The following AMPD3 variants were observed in gnomAD, a reference collection of about 807,000 sequenced individuals.
AMPD3 encodes the protein AMP deaminase 3.
AMPD3 carries 57 observed loss-of-function variants against 82.3 expected under a neutral mutation model. The ratio of observed to expected loss-of-function variants is 0.69; its 90% CI spans 0.56 to 0.86. The LOEUF is 0.86. Ranked by LOEUF, AMPD3 falls within the 40% of genes least tolerant of loss-of-function variation. The probability of loss-of-function intolerance (pLI) is 0.00; values close to 1 mark genes in which losing one functional copy is unlikely to be tolerated. For synonymous variants in AMPD3, 381 were observed against 394.7 expected (o/e 0.97, Z 0.41); for missense variants, 870 against 1,003.8 (o/e 0.87, Z 1.80).
chr11:10,490,388 G>A, intron 6 of AMPD3: 1 of 723,616 alleles, frequency 1.4e-6, no homozygotes, highest in East Asian at 1.3e-4. Flanking sequence ...GACCAATTAG[G>A]GGCCACCCCT....
Position 10,500,184 on chromosome 11 carries a change from C to G in AMPD3, c.1656C>G (p.Asn552Lys). The G allele has an allele frequency of 6.2e-7, 1 of 1,614,236 alleles. No individual in the cohort carries two copies. Among genetic ancestry groups the G allele is most frequent in the Non-Finnish European group, 8.5e-7 (1 of 1,180,042 alleles). ...PNPDVWTSEQ[N>K]PPYSYYLYYM... ...CGGACGTCTGGACCAGTGAGCAGAA[C>G]CCACCCTACAGCTACTACCTGTACT... The change falls in exon 11 of 15, where the codon AAC (asparagine) becomes AAG (lysine). Residue 552 changes from asparagine to lysine, a missense_variant. By Grantham distance (94) the Asn-to-Lys change is moderately conservative (BLOSUM62 0). Transcript: ENST00000396553.
At chr11:10,460,762 G>A (rs1848246152) in intron 1 of AMPD3, 1 of 402,078 alleles carries the variant, frequency 2.5e-6, no homozygotes, top group Non-Finnish European at 3.4e-6. Context: ...AAAGAAATAA[G>A]GAAATGAAGA....
At chr11:10,450,721 C>A (rs1053706467), upstream of AMPD3, 28 of 1,103,784 alleles carry the variant, frequency 2.5e-5, no homozygotes, top group Admixed American at 5.1e-5. Context: ...GGCCCGGGCG[C>A]TTCAGGTAGC....
intron 1 of AMPD3, among the ~76,000 whole-genome samples, chr11:10,459,753 C>A (rs1848203824): frequency 6.6e-6 from 1 of 151,914 alleles, no homozygotes; most frequent in Non-Finnish European, 1.5e-5. Context: ...CCTGCCCGGA[C>A]ACATACGTGG....
intron 1 of AMPD3, among the ~76,000 whole-genome samples, chr11:10,455,652 G>A (rs529680053): frequency 2.0e-5 from 3 of 152,294 alleles, no homozygotes; most frequent in Admixed American, 1.3e-4. Flanking sequence ...TCCTCTGTCC[G>A]CCTCTGTGCT....
Position 10,496,860 on chromosome 11 carries a change from G to T in AMPD3, c.1479G>T (p.Leu493=). 6.2e-7 allele frequency: 1 copy of T among 1,614,012 alleles called. No homozygotes were observed. The highest frequency in any genetic ancestry group is 1.1e-5 in the South Asian group (1 of 91,086). Residue 493 remains leucine, a synonymous_variant, in exon 10 of 15, where the codon CTG becomes CTT. Transcript: ENST00000396553. Reference sequence around the variant, plus strand: ...TGCTGCCAAACTTTGGGAAGATGCTGGAGAACATCTTCCTGCCCCTTTTCA... The same window carrying T: ...TGCTGCCAAACTTTGGGAAGATGCTTGAGAACATCTTCCTGCCCCTTTTCA... ...KKLLPNFGKM[L]ENIFLPLFKA...
chr11:10,495,362 A>G (rs762674293), intron 8 of AMPD3: 5 of 985,448 alleles, frequency 5.1e-6, no homozygotes, highest in Non-Finnish European at 6.0e-6. Context: ...CTGGTTCTGC[A>G]GACCCAAGGC....
At chr11:10,499,616 A>G in intron 10 of AMPD3, 2 of 980,872 alleles carry the variant, frequency 2.0e-6, no homozygotes, top group Non-Finnish European at 2.4e-6. Flanking sequence ...GGTTGCTCTG[A>G]ATATGAATTA....
At chr11:10,492,956 G>T (rs1849281480) in intron 6 of AMPD3, among the ~76,000 whole-genome samples, 1 of 152,188 alleles carries the variant, frequency 6.6e-6, no homozygotes, top group South Asian at 2.1e-4. Context: ...CCCGTAAGTG[G>T]TTTGTCACGG....
chr11:10,476,501 T>A (rs994433764), intron 2 of AMPD3, among the ~76,000 whole-genome samples: 2 of 152,018 alleles, frequency 1.3e-5, no homozygotes, highest in Non-Finnish European at 2.9e-5. Context: ...GGTTTTTTTT[T>A]AAACTTTCTT....
At chr11:10,499,471 C>T (rs949688125) in intron 10 of AMPD3, 16 of 165,792 alleles carry the variant, frequency 9.7e-5, no homozygotes, top group Middle Eastern at 3.1e-3. Context: ...CCGTCTCCTC[C>T]TCCCAAAGTG....
upstream of AMPD3, among the ~76,000 whole-genome samples, chr11:10,451,988 C>T (rs572496956): frequency 3.3e-5 from 5 of 152,248 alleles, no homozygotes; most frequent in South Asian, 1.0e-3. Flanking sequence ...CTGGCTGCAG[C>T]TTCATGGGGC....
chr11:10,475,176 T>G (rs1339342043), intron 2 of AMPD3, among the ~76,000 whole-genome samples: 1 of 151,992 alleles, frequency 6.6e-6, no homozygotes, highest in Non-Finnish European at 1.5e-5. Context: ...GCAGGCGTCT[T>G]ACATGGTGGG....
chr11:10,484,407 T>A, intron 4 of AMPD3: 1 of 985,372 alleles, frequency 1.0e-6, no homozygotes, highest in Non-Finnish European at 1.2e-6. Flanking sequence ...TGCAATCTGT[T>A]TTTTTCCTGG....
At position 10,496,828 on chromosome 11, in the gene AMPD3, A is replaced by G; in HGVS notation, c.1447A>G (p.Lys483Glu). 1 of 1,614,156 alleles carries G rather than the reference A, an allele frequency of 6.2e-7. No homozygotes were observed. Among genetic ancestry groups the G allele is most frequent in the South Asian group, 1.1e-5 (1 of 91,080 alleles). The change falls in exon 10 of 15, where the codon AAG (lysine) becomes GAG (glutamate). Residue 483 changes from lysine (K) to glutamate (E), a missense_variant. Coordinates refer to ENST00000396553, the MANE Select transcript of AMPD3 (RefSeq NM_001025389.2). The part of the protein sequence containing the change: ...VPRIYDIFRS[K>E]KLLPNFGKML... ...GTCCCCCAGTGACATATTTAGGTCA[A>G]AGAAGCTGCTGCCAAACTTTGGGAA...
Position 10,456,681 on chromosome 11 carries a change from CT to C in AMPD3, c.-6+1235del. On this transcript the variant is annotated intron_variant, in intron 1 of 14. Coordinates refer to ENST00000396553, the MANE Select transcript of AMPD3 (RefSeq NM_001025389.2). This position sits in a 1 kb window ranked among gnomAD's most constrained non-coding sequence, Gnocchi z 4.3. ...CAGCTAAGCCTCCCAAGCCTGCTGG[CT>C]TCAGCTGACAAAGGGTTGGAAGCCA... is the stretch of plus-strand genomic sequence containing the variant. 2.2e-6 allele frequency: 2 copies of C among 918,922 alleles called. No homozygotes were observed. The highest frequency in any genetic ancestry group is 3.6e-5 in the African/African-American group (2 of 55,938). The allele number at this position is 918,922 out of a possible 1,614,324, so 56.9% of individuals were successfully genotyped here. A position where few individuals can be genotyped will look rare whatever the true frequency, so the allele number is the denominator to read the frequency against.
intron 10 of AMPD3, among the ~76,000 whole-genome samples, chr11:10,497,429 C>T (rs965493445): frequency 1.3e-5 from 2 of 152,120 alleles, no homozygotes; most frequent in African/African-American, 2.4e-5. Context: ...AGGAGAGGAG[C>T]AGTCTGGGAG....
intron 1 of AMPD3, chr11:10,455,827 G>T (rs1848076388): frequency 1.2e-5 from 11 of 880,088 alleles, no homozygotes; most frequent in African/African-American, 1.8e-5. Context: ...GCTGCTTTAG[G>T]GGGGCTTTCT....
At chr11:10,461,171 C>A in intron 1 of AMPD3, 2 of 1,219,264 alleles carry the variant, frequency 1.6e-6, no homozygotes, top group Non-Finnish European at 2.1e-6. Flanking sequence ...TGAACTCTCT[C>A]TTGTCCCTTC....
Sources: allele counts gnomAD v4.1 joint callset (sites outside exome capture counted in the v4.1 genomes callset), GRCh38; gene constraint gnomAD v4.1.1; non-coding constraint Gnocchi (gnomAD v3.1); transcripts MANE v1.5; gene names NCBI Gene and HGNC (gene_info 2026-07-23, HGNC 2026-07-21).